Variants in TSPAN12 observed in about 807,000 individuals in gnomAD.
The protein encoded by TSPAN12 is tetraspanin-12.
TSPAN12 carries 19 observed loss-of-function variants against 39.2 expected under a neutral mutation model. The ratio of observed to expected loss-of-function variants is 0.49; its 90% CI spans 0.34 to 0.71. The LOEUF (loss-of-function observed/expected upper bound fraction) is 0.71. Among genes scored for constraint, TSPAN12 ranks in the 30% least tolerant of loss-of-function variants. TSPAN12 has a pLI of 0.01. For missense variants in TSPAN12, 314 were observed against 359.9 expected, an observed-to-expected ratio of 0.87 and a Z score of 1.03; for synonymous variants, 119 against 124.8, an observed-to-expected ratio of 0.95 and a Z score of 0.31.
intron 7 of TSPAN12, among the ~76,000 whole-genome samples, chr7:120,801,516 C>T (rs1277626292): frequency 6.6e-6 from 1 of 152,202 alleles, no homozygotes; most frequent in Non-Finnish European, 1.5e-5. Flanking sequence ...CCAGCCCTTA[C>T]ATAAATCTGT....
intron 5 of TSPAN12, among the ~76,000 whole-genome samples, chr7:120,812,472 G>A (rs761240075): frequency 1.3e-5 from 2 of 152,098 alleles, no homozygotes; most frequent in African/African-American, 2.4e-5. Context: ...GAGCAAATAA[G>A]GCTCCAACAG....
chr7:120,826,359 G>A (rs142955704), intron 4 of TSPAN12, among the ~76,000 whole-genome samples: 38 of 152,162 alleles, frequency 2.5e-4, no homozygotes, highest in African/African-American at 3.9e-4. Flanking sequence ...ATAAAACATC[G>A]GAGCACACTA....
chr7:120,852,996 T>C (rs1794797796), intron 2 of TSPAN12, among the ~76,000 whole-genome samples: 1 of 152,210 alleles, frequency 6.6e-6, no homozygotes, highest in African/African-American at 2.4e-5. Context: ...TGATAGGATC[T>C]GCAAACATTG....
chr7:120,854,726 T>C (rs560873131), intron 2 of TSPAN12, among the ~76,000 whole-genome samples: 46 of 152,346 alleles, frequency 3.0e-4, no homozygotes, highest in Admixed American at 3.0e-3. Context: ...AATTTACATG[T>C]ATAGCATTGT....
intron 5 of TSPAN12, among the ~76,000 whole-genome samples, chr7:120,812,048 G>T (rs534890427): frequency 1.3e-5 from 2 of 152,104 alleles, no homozygotes; most frequent in African/African-American, 4.8e-5. Flanking sequence ...AAAACCTATT[G>T]AAATAAAAAA....
chr7:120,806,248 C>G (rs1793870883), intron 7 of TSPAN12, among the ~76,000 whole-genome samples: 1 of 152,088 alleles, frequency 6.6e-6, no homozygotes, highest in African/African-American at 2.4e-5. Flanking sequence ...GCTACATACT[C>G]TGCCTGTGTC....
At chr7:120,854,446 C>T (rs1794831839) in intron 2 of TSPAN12, among the ~76,000 whole-genome samples, 1 of 152,116 alleles carries the variant, frequency 6.6e-6, no homozygotes, top group Non-Finnish European at 1.5e-5. Context: ...TTATTATGTG[C>T]CACTGTTCTC....
At chr7:120,814,441 G>A (rs1327589348) in intron 5 of TSPAN12, among the ~76,000 whole-genome samples, 2 of 152,118 alleles carry the variant, frequency 1.3e-5, no homozygotes, top group Admixed American at 1.3e-4. Flanking sequence ...ATCATCCTGG[G>A]TGGCTCCTAC....
At chr7:120,808,293 T>C (rs1476626526) in intron 6 of TSPAN12, among the ~76,000 whole-genome samples, 1 of 152,180 alleles carries the variant, frequency 6.6e-6, no homozygotes, top group Non-Finnish European at 1.5e-5. Flanking sequence ...AGTGCTGAAC[T>C]TACTTTTATT....
chr7:120,815,755 C>T lies in TSPAN12; in HGVS notation c.334G>A (p.Val112Ile), dbSNP rs143445702. The T allele has an allele frequency of 2.0e-4, 318 of 1,612,618 alleles. No individual in the cohort carries two copies. Among genetic ancestry groups the T allele is most frequent in the Middle Eastern group, 5.0e-4 (3 of 6,056 alleles). ...VIFCVELACG[V>I]WTYEQELMVP... ...ATAAGTTCCTGTTCATATGTCCAAA[C>T]GCCACAAGCCAGTTCTACACAGAAA... Residue 112 changes from valine (V) to isoleucine (I), a missense_variant, in exon 5 of 8, where the codon GTT becomes ATT. Coordinates refer to ENST00000222747, the MANE Select transcript of TSPAN12 (RefSeq NM_012338.4).
intron 4 of TSPAN12, among the ~76,000 whole-genome samples, chr7:120,823,334 A>G (rs1794224761): frequency 6.6e-6 from 1 of 152,098 alleles, no homozygotes; most frequent in Non-Finnish European, 1.5e-5. Flanking sequence ...TGCCCAATAT[A>G]TTTGACTATA....
At chr7:120,797,052 G>A (rs915491189) in intron 7 of TSPAN12, among the ~76,000 whole-genome samples, 1 of 152,210 alleles carries the variant, frequency 6.6e-6, no homozygotes, top group Non-Finnish European at 1.5e-5. Flanking sequence ...AGCTGCTCAG[G>A]AGGCTGAGGC....
chr7:120,806,518 T>A, intron 7 of TSPAN12, 31 bp downstream of exon 7: 1 of 1,609,214 alleles, frequency 6.2e-7, no homozygotes, highest in South Asian at 1.1e-5. Flanking sequence ...AAAACATTTA[T>A]CCATAATAAA....
Position 120,787,347 on chromosome 7 carries a change from CAT to C in TSPAN12, c.*1243_*1244del, listed in dbSNP as rs1793428662. The C allele has an allele frequency of 6.6e-6, 1 of 152,510 alleles. No individual in the cohort carries two copies. The highest frequency in any genetic ancestry group is 2.4e-5 in the African/African-American group (1 of 41,428). The allele number at this position is 152,510 out of a possible 1,614,324, so 9.4% of individuals were successfully genotyped here. On this transcript the variant is annotated 3_prime_UTR_variant, in exon 8 of 8. Transcript: ENST00000222747. ...ACTCTCTAGAAAATATTTATTGACA[CAT>C]TTTAATTTTCTTTCCATATTCTGAG... is the stretch of plus-strand genomic sequence containing the variant.
At chr7:120,810,421 C>T (rs757210351) in intron 6 of TSPAN12, 42 bp downstream of exon 6, 1 of 1,226,480 alleles carries the variant, frequency 8.2e-7, no homozygotes, top group Admixed American at 1.7e-5. Context: ...GAAGGTGCAC[C>T]ACTTACTTCA....
At position 120,788,535 on chromosome 7, in the gene TSPAN12, C is replaced by CA; in HGVS notation, c.*56dup. 1 of 1,603,162 alleles carries CA rather than the reference C, an allele frequency of 6.2e-7. No individual in the cohort carries two copies. Among genetic ancestry groups the CA allele is most frequent in the African/African-American group, 1.3e-5 (1 of 74,742 alleles). On this transcript the variant is annotated 3_prime_UTR_variant, in exon 8 of 8. Transcript: ENST00000222747. ...ATTTCTGAAACACATAGTATGTACT[C>CA]AAAAATTCACAAGTCCAGTAAAACA...
chr7:120,811,695 A>G (rs923303028), intron 5 of TSPAN12, among the ~76,000 whole-genome samples: 18 of 151,876 alleles, frequency 1.2e-4, no homozygotes, highest in African/African-American at 4.1e-4. Flanking sequence ...AAAAGAAAAT[A>G]TATATACCAT....
At chr7:120,797,184 G>C (rs1029184841) in intron 7 of TSPAN12, among the ~76,000 whole-genome samples, 1 of 152,154 alleles carries the variant, frequency 6.6e-6, no homozygotes, top group Non-Finnish European at 1.5e-5. Context: ...TTCCTAGCCT[G>C]ACCACATTTC....
intron 7 of TSPAN12, among the ~76,000 whole-genome samples, chr7:120,794,263 T>C (rs1562936307): frequency 6.6e-6 from 1 of 152,220 alleles, no homozygotes; most frequent in Non-Finnish European, 1.5e-5. Context: ...TGCTGACTCA[T>C]TAGGCATGTA....
Sources: allele counts gnomAD v4.1 joint callset (sites outside exome capture counted in the v4.1 genomes callset), GRCh38; gene constraint gnomAD v4.1.1; transcripts MANE v1.5; gene names NCBI Gene and HGNC (gene_info 2026-07-23, HGNC 2026-07-21).